Variants in SEC31B observed in about 807,000 individuals in gnomAD.
The protein encoded by SEC31B is SEC31 homolog B, COPII component, also known as protein transport protein Sec31B.
A neutral mutation model predicts 135.0 loss-of-function variants in SEC31B; 113 were observed. The ratio of observed to expected loss-of-function variants is 0.84; its 90% CI spans 0.72 to 0.98. SEC31B has a LOEUF of 0.98. Among genes scored for constraint, SEC31B ranks in the 50% least tolerant of loss-of-function variants. The pLI is 0.00. For missense variants in SEC31B, 1,296 were observed against 1,421.1 expected (o/e 0.91, Z 1.42); for synonymous variants, 508 against 549.4 (o/e 0.92, Z 1.05).
At chr10:100,496,206 A>G (rs1358010315) in intron 18 of SEC31B, 52 bp downstream of exon 18, 23 of 1,578,704 alleles carry the variant, frequency 1.5e-5, no homozygotes, top group South Asian at 4.5e-5. Context: ...TGCTCAATCA[A>G]TGTTAGATGA....
Position 100,497,843 on chromosome 10 carries a change from G to T in SEC31B, c.1864-50C>A, listed in dbSNP as rs751754722. ...GACCATCAGCCATCCATCCAGCATA[G>T]GCAGCAGGATTCCTGCACAGGCCTC... is the stretch of plus-strand genomic sequence containing the variant. On this transcript the variant is annotated intron_variant, in intron 15 of 25. Coordinates refer to ENST00000370345, the MANE Select transcript of SEC31B (RefSeq NM_015490.4). The T allele has an allele frequency of 9.9e-6, 16 of 1,613,710 alleles. No individual in the cohort carries two copies. In the East Asian group the frequency reaches 3.3e-4, roughly 34 times the overall value.
chr10:100,500,099 A>G (rs1589734888), intron 11 of SEC31B: 2 of 456,562 alleles, frequency 4.4e-6, no homozygotes, highest in East Asian at 6.9e-5. Context: ...AAGTCAGGGC[A>G]ACTTACATAC....
In SEC31B at chr10:100,497,718, G is replaced by A. The variant is rs776652152; in HGVS notation, c.1939C>T (p.Leu647=). 6.2e-7 allele frequency: 1 copy of A among 1,614,230 alleles called. No individual in the cohort carries two copies. The highest frequency in any genetic ancestry group is 8.5e-7 in the Non-Finnish European group (1 of 1,180,046). ...CCTGAGTATGTCAGTAGCAAAGCCA[G>A]TGCCTCTCTCCAGTTCTTCAGGCTA... The part of the protein sequence containing the change: ...TCSLKNWREA[L]ALLLTYSGTE... Residue 647 remains leucine (L), a synonymous_variant, in exon 16 of 26, where the codon CTG becomes TTG. Coordinates refer to ENST00000370345, the MANE Select transcript of SEC31B (RefSeq NM_015490.4).
intron 7 of SEC31B, 193 bp from the exon 8 acceptor site, chr10:100,506,613 G>T: frequency 1.7e-6 from 1 of 600,020 alleles, no homozygotes; most frequent in Non-Finnish European, 2.9e-6. Flanking sequence ...CAGTTGCAGA[G>T]TCAGAACCCA....
intron 3 of SEC31B, among the ~76,000 whole-genome samples, chr10:100,512,452 T>C (rs1401206351): frequency 6.6e-6 from 1 of 152,222 alleles, no homozygotes; most frequent in Non-Finnish European, 1.5e-5. Context: ...TGTTAATCCA[T>C]ATTGATTCTG....
At chr10:100,516,772 G>A in intron 2 of SEC31B, 102 bp downstream of exon 2, 1 of 833,938 alleles carries the variant, frequency 1.2e-6, no homozygotes, top group Non-Finnish European at 1.9e-6. Flanking sequence ...ATCTTTCTAT[G>A]ATCTGAGAGC....
intron 24 of SEC31B, among the ~76,000 whole-genome samples, 195 bp from the exon 25 acceptor site, chr10:100,488,293 A>G (rs904671930): frequency 5.9e-5 from 9 of 152,046 alleles, no homozygotes; most frequent in African/African-American, 1.7e-4. Context: ...CCCCGTCTCC[A>G]TTAAAAATAC....
Position 100,487,719 on chromosome 10 carries a change from G to A in SEC31B, c.3437C>T (p.Ala1146Val), listed in dbSNP as rs1203685185. ...ACAGCCCGCCACCTGGGCATGCACTGCAAGGCCCTGCTCAAAGCTTCCTGC... is the reference window on the plus strand; with the variant it reads ...ACAGCCCGCCACCTGGGCATGCACTACAAGGCCCTGCTCAAAGCTTCCTGC... Reference protein sequence around the residue: ...VDAGSFEQGLAVHAQVAGCSS... With the variant: ...VDAGSFEQGLVVHAQVAGCSS... The change falls in exon 26 of 26, where the codon GCA (alanine) becomes GTA (valine). Residue 1146 changes from alanine to valine, a missense_variant. Ala to Val is a moderately conservative substitution (Grantham distance 64, BLOSUM62 0). Coordinates refer to ENST00000370345, the MANE Select transcript of SEC31B (RefSeq NM_015490.4). 1 of 1,613,938 alleles carries A rather than the reference G, an allele frequency of 6.2e-7. No homozygotes were observed. The highest frequency in any genetic ancestry group is 1.7e-5 in the Admixed American group (1 of 60,002).
At chr10:100,506,881 C>T (rs11190587) in intron 7 of SEC31B, among the ~76,000 whole-genome samples, 26,433 of 152,142 alleles carry the variant, frequency 0.17, 2,598 homozygotes, top group South Asian at 0.23. Context: ...GGGAGGATCA[C>T]TTGAGCCCAG....
rs1851202104 is a variant in SEC31B at position 100,487,493 on chromosome 10, A to G, written c.*123T>C. 6 of 948,882 alleles carry G rather than the reference A, an allele frequency of 6.3e-6. No individual in the cohort carries two copies. The South Asian group carries it at 6.4e-5, about 10-fold the overall frequency. The allele number at this position is 948,882 out of a possible 1,614,324, so 58.8% of individuals were successfully genotyped here. The stretch of plus-strand genomic sequence containing the variant: ...TTTGGAGCCAAGCCTACAGCATCAC[A>G]TACCTGGCAGCAAGGAAAAGAGTCG... On this transcript the variant is annotated 3_prime_UTR_variant, in exon 26 of 26. Transcript: ENST00000370345.
At chr10:100,497,371 G>A in intron 16 of SEC31B, 91 bp from the exon 17 acceptor site, 2 of 1,564,082 alleles carry the variant, frequency 1.3e-6, no homozygotes. Context: ...CCATGAGCCT[G>A]GGACAAGTAG....
chr10:100,513,808 C>T (rs11190588), intron 3 of SEC31B, among the ~76,000 whole-genome samples: 27,092 of 151,876 alleles, frequency 0.18, 2,660 homozygotes, highest in South Asian at 0.23. Context: ...ATTCATATAA[C>T]AAATATTTAT....
At chr10:100,514,994 A>T (rs2011878165) in intron 3 of SEC31B, among the ~76,000 whole-genome samples, 1 of 151,508 alleles carries the variant, frequency 6.6e-6, no homozygotes, top group Admixed American at 6.6e-5. Context: ...AAAAAAAAAA[A>T]AAAAAATAGT....
rs1851627194 is a variant in SEC31B at position 100,506,183 on chromosome 10, T to C, written c.901A>G (p.Thr301Ala). The change falls in exon 9 of 26, where the codon ACA becomes GCA. Residue 301 changes from threonine to alanine, a missense_variant. By Grantham distance (58) the Thr-to-Ala change is moderately conservative. Coordinates refer to ENST00000370345, the MANE Select transcript of SEC31B (RefSeq NM_015490.4). ...ACATCAAAGCACCAGCTGCTCTGTG[T>C]TGGTAGCTTATATACCACCTAATAT... Reference protein sequence around the residue: ...GSSEVVYKLPTQSSWCFDVQW... With the variant: ...GSSEVVYKLPAQSSWCFDVQW... 6.2e-7 allele frequency: 1 copy of C among 1,614,198 alleles called. No individual in the cohort carries two copies. Among genetic ancestry groups the C allele is most frequent in the Non-Finnish European group, 8.5e-7 (1 of 1,180,036 alleles).
At chr10:100,518,921 C>G (rs75184402) in intron 1 of SEC31B, among the ~76,000 whole-genome samples, 1,565 of 152,320 alleles carry the variant, frequency 0.01, 34 homozygotes, top group African/African-American at 0.037. Flanking sequence ...TATACAGTCA[C>G]CAGTGCCACC....
intron 3 of SEC31B, among the ~76,000 whole-genome samples, chr10:100,511,037 G>A (rs569617085): frequency 1.4e-4 from 21 of 152,288 alleles, no homozygotes; most frequent in Admixed American, 8.5e-4. Flanking sequence ...AGGGTGCAGC[G>A]ACCTCAGCAT....
chr10:100,517,527 A>C (rs1366778533), intron 1 of SEC31B, among the ~76,000 whole-genome samples: 1 of 152,040 alleles, frequency 6.6e-6, no homozygotes, highest in Non-Finnish European at 1.5e-5. Flanking sequence ...ATGCCTGGCT[A>C]ATTTTTGTAT....
rs748277059 is a variant in SEC31B, at chr10:100,490,234, G to A, written c.2739C>T (p.Ser913=). The stretch of plus-strand genomic sequence containing the variant: ...TGCCTGGGCATGCCATGGGTAGAGG[G>A]GAACCAGGAAGAGGCCATGTCCCAG... ...GFPGTWPLPG[S]PLPMACPGIM... is the part of the protein sequence containing the mutation. Residue 913 remains serine (S), a synonymous_variant, in exon 21 of 26, where the codon TCC becomes TCT. Transcript: ENST00000370345. 1.9e-6 allele frequency: 3 copies of A among 1,613,534 alleles called. No homozygotes were observed. Among genetic ancestry groups the A allele is most frequent in the African/African-American group, 2.7e-5 (2 of 74,876 alleles).
intron 9 of SEC31B, 116 bp downstream of exon 9, chr10:100,505,924 A>C: frequency 6.5e-7 from 1 of 1,547,136 alleles, no homozygotes; most frequent in East Asian, 2.3e-5. Context: ...AGCCCTCCCA[A>C]ACCCCGGGCC....
Sources: allele counts gnomAD v4.1 joint callset (sites outside exome capture counted in the v4.1 genomes callset), GRCh38; gene constraint gnomAD v4.1.1; transcripts MANE v1.5; gene names NCBI Gene and HGNC (gene_info 2026-07-23, HGNC 2026-07-21).